SPRR2G: variants seen among roughly 807,000 people sequenced by gnomAD.
SPRR2G encodes small proline rich protein 2G.
Under a neutral mutation model 0.7 loss-of-function variants are expected in SPRR2G, and 1 was observed. That is an observed-to-expected ratio of 1.49 (90% CI 0.53 to 7.06). The LOEUF (loss-of-function observed/expected upper bound fraction) is 7.06, where lower values mean the gene tolerates loss of function less well. Ranked by LOEUF, SPRR2G falls within the 30% of genes most tolerant of loss-of-function variation. SPRR2G has a pLI of 0.14. For missense variants in SPRR2G, 96 were observed against 88.5 expected (o/e 1.09, Z -0.34); for synonymous variants, 38 against 33.9 (o/e 1.12, Z -0.42).
At chr1:153,177,284 G>A in the SPRR2G span, among the ~76,000 whole-genome samples, 1 of 152,070 alleles carries the variant, frequency 6.6e-6, no homozygotes, top group Non-Finnish European at 1.5e-5. Context: ...TTACAATTTG[G>A]GGCTATATGA....
chr1:153,170,201 G>T, the SPRR2G span, among the ~76,000 whole-genome samples: 4 of 152,214 alleles, frequency 2.6e-5, no homozygotes, highest in South Asian at 6.2e-4. Context: ...TAAAATTGAG[G>T]ATATCAACTT....
upstream of SPRR2G, among the ~76,000 whole-genome samples, chr1:153,152,924 C>T (rs564787): frequency 6.6e-6 from 1 of 151,842 alleles, no homozygotes; most frequent in Admixed American, 6.6e-5. Flanking sequence ...TTGGGCTTTT[C>T]AGAAAAGAAT....
chr1:153,160,514 CA>C, the SPRR2G span, among the ~76,000 whole-genome samples: 6 of 152,200 alleles, frequency 3.9e-5, no homozygotes, highest in Non-Finnish European at 7.4e-5. Context: ...TTCATGCCAA[CA>C]GTATGTAAGT....
chr1:153,187,104 A>C, the SPRR2G span, among the ~76,000 whole-genome samples: 2 of 152,216 alleles, frequency 1.3e-5, no homozygotes, highest in Admixed American at 1.3e-4. Flanking sequence ...AGGTAACCTG[A>C]CCTTTCTCTC....
the SPRR2G span, among the ~76,000 whole-genome samples, chr1:153,171,778 C>T: frequency 6.6e-6 from 1 of 152,114 alleles, no homozygotes; most frequent in African/African-American, 2.4e-5. Flanking sequence ...GTTCCATAAG[C>T]ACAGTTTTCC....
At chr1:153,176,173 T>C in the SPRR2G span, 7 of 152,182 alleles carry the variant, frequency 4.6e-5, no homozygotes, top group Non-Finnish European at 8.8e-5. Context: ...AGAGAAGGAA[T>C]AGGGCACTGT....
chr1:153,153,398 A>G (rs889290312), upstream of SPRR2G, among the ~76,000 whole-genome samples: 5 of 152,288 alleles, frequency 3.3e-5, no homozygotes, highest in Admixed American at 2.0e-4. Context: ...TTTTCTTAAC[A>G]TTTCTGCAAT....
Position 153,150,102 on chromosome 1 carries a change from G to A in SPRR2G, c.9C>T (p.Tyr3=), listed in dbSNP as rs752752699. The change falls in exon 2 of 2, where the codon TAC becomes TAT. Residue 3 remains tyrosine (Y), a synonymous_variant. Transcript: ENST00000368748. ...AGGGCTGCTTGCACTGCTGCTGCTG[G>A]TAAGACATCTCTCCTCAGTCTCAGA... MS[Y]QQQQCKQPCQ... is the part of the protein sequence containing the mutation. 4 of 1,612,280 alleles carry A rather than the reference G, an allele frequency of 2.5e-6. No individual in the cohort carries two copies. Among genetic ancestry groups the A allele is most frequent in the South Asian group, 2.2e-5 (2 of 91,000 alleles).
chr1:153,150,160 T>C (rs778594563), intron 1 of SPRR2G, 29 bp from the exon 2 acceptor site: 1 of 1,607,356 alleles, frequency 6.2e-7, no homozygotes, highest in Non-Finnish European at 8.5e-7. Flanking sequence ...ACAGTGCTCA[T>C]AAGAGAGACA....
the SPRR2G span, among the ~76,000 whole-genome samples, chr1:153,166,908 T>C: frequency 6.6e-6 from 1 of 152,002 alleles, no homozygotes; most frequent in Non-Finnish European, 1.5e-5. Context: ...ATCCACTTGA[T>C]CTCTTCATAA....
the SPRR2G span, among the ~76,000 whole-genome samples, chr1:153,185,088 G>A: frequency 6.6e-6 from 1 of 152,158 alleles, no homozygotes; most frequent in Non-Finnish European, 1.5e-5. Flanking sequence ...TTTTTGATGT[G>A]CTGCTGGATT....
chr1:153,166,993 G>T, the SPRR2G span, among the ~76,000 whole-genome samples: 1 of 152,170 alleles, frequency 6.6e-6, no homozygotes, highest in Non-Finnish European at 1.5e-5. Context: ...GAATGGAGAA[G>T]AGGGGCCGAG....
At chr1:153,155,471 C>A (rs569840421), upstream of SPRR2G, among the ~76,000 whole-genome samples, 1 of 152,166 alleles carries the variant, frequency 6.6e-6, no homozygotes, top group Admixed American at 6.5e-5. Context: ...CTGCCATGCC[C>A]TAGTTCAGAG....
chr1:153,192,390 G>A, the SPRR2G span, among the ~76,000 whole-genome samples: 1 of 152,158 alleles, frequency 6.6e-6, no homozygotes, highest in Non-Finnish European at 1.5e-5. Context: ...CCACACAATA[G>A]CCTCTCCCTT....
chr1:153,159,528 C>T, the SPRR2G span, among the ~76,000 whole-genome samples: 14 of 152,216 alleles, frequency 9.2e-5, no homozygotes, highest in Non-Finnish European at 2.1e-4. Context: ...CTGCCCATTA[C>T]CCACTTCTAA....
the SPRR2G span, among the ~76,000 whole-genome samples, chr1:153,202,323 A>G: frequency 6.6e-6 from 1 of 152,126 alleles, no homozygotes; most frequent in Non-Finnish European, 1.5e-5. Flanking sequence ...TCCACCAGTC[A>G]CCTACTAATA....
At chr1:153,152,931 G>C (rs1656502632), upstream of SPRR2G, among the ~76,000 whole-genome samples, 1 of 152,122 alleles carries the variant, frequency 6.6e-6, no homozygotes, top group South Asian at 2.1e-4. Flanking sequence ...TTTCAGAAAA[G>C]AATGCTTAAT....
At chr1:153,187,989 G>A in the SPRR2G span, among the ~76,000 whole-genome samples, 1 of 152,204 alleles carries the variant, frequency 6.6e-6, no homozygotes, top group South Asian at 2.1e-4. Flanking sequence ...AGAGTTTGCT[G>A]GAGGTCCACT....
the SPRR2G span, among the ~76,000 whole-genome samples, chr1:153,196,788 G>A: frequency 1.1e-4 from 17 of 152,220 alleles, no homozygotes; most frequent in African/African-American, 3.9e-4. Context: ...TGAGCCTGCA[G>A]AAGTCACTCT....
Sources: allele counts gnomAD v4.1 joint callset (sites outside exome capture counted in the v4.1 genomes callset), GRCh38; gene constraint gnomAD v4.1.1; transcripts MANE v1.5; gene names NCBI Gene and HGNC (gene_info 2026-07-23, HGNC 2026-07-21).